The following NEO1 variants were observed in gnomAD, a reference collection of about 807,000 sequenced individuals.
NEO1 encodes neogenin 1, also known as neogenin.
A neutral mutation model predicts 159.7 loss-of-function variants in NEO1; 63 were observed. The observed-to-expected ratio is 0.39, with a 90% CI of 0.32 to 0.49. The LOEUF (loss-of-function observed/expected upper bound fraction) is 0.49, where lower values mean the gene tolerates loss of function less well. Ranked by LOEUF, NEO1 falls within the 20% of genes least tolerant of loss-of-function variation. The pLI is 0.85. For missense variants in NEO1, 1,615 were observed against 1,831.0 expected, an observed-to-expected ratio of 0.88 and a Z score of 2.15; for synonymous variants, 633 against 662.0, an observed-to-expected ratio of 0.96 and a Z score of 0.67.
chr15:73,240,034 C>G (rs757178643), intron 8 of NEO1, among the ~76,000 whole-genome samples: 1 of 152,100 alleles, frequency 6.6e-6, no homozygotes, highest in Non-Finnish European at 1.5e-5. Context: ...TGATGAACAT[C>G]CTGCCATGCA....
intron 7 of NEO1, among the ~76,000 whole-genome samples, chr15:73,214,912 C>G (rs2037788767): frequency 6.6e-6 from 1 of 152,128 alleles, no homozygotes; most frequent in African/African-American, 2.4e-5. Flanking sequence ...CATCCATGAG[C>G]ATGGGATGCA....
At chr15:73,254,385 T>C (rs1319170503) in intron 12 of NEO1, among the ~76,000 whole-genome samples, 2 of 152,190 alleles carry the variant, frequency 1.3e-5, no homozygotes, top group African/African-American at 4.8e-5. Flanking sequence ...CTTCTTATAC[T>C]TTCCTTCTGA....
At chr15:73,245,880 C>T (rs1158531415) in intron 9 of NEO1, among the ~76,000 whole-genome samples, 1 of 152,022 alleles carries the variant, frequency 6.6e-6, no homozygotes, top group Non-Finnish European at 1.5e-5. Flanking sequence ...CGCACCCGGC[C>T]ACCTCAGTGT....
At chr15:73,182,797 A>G (rs2035689587) in intron 7 of NEO1, among the ~76,000 whole-genome samples, 1 of 152,214 alleles carries the variant, frequency 6.6e-6, no homozygotes, top group Non-Finnish European at 1.5e-5. Flanking sequence ...TATGGGAGCT[A>G]CAATTCAAGG....
chr15:73,271,581 C>T (rs1567659339), intron 18 of NEO1, among the ~76,000 whole-genome samples: 1 of 152,246 alleles, frequency 6.6e-6, no homozygotes, highest in South Asian at 2.1e-4. Context: ...ATCTGTAAAT[C>T]ATCTATTCTT....
rs1364559176 is a variant in NEO1, at chr15:73,278,132, C to T, written c.3195C>T (p.Ala1065=). The change falls in exon 22 of 29, where the codon GCC becomes GCT. Residue 1065 remains alanine, a splice_region_variant and synonymous_variant. Coordinates refer to ENST00000261908, the MANE Select transcript of NEO1 (RefSeq NM_002499.4). ...DSSDKMPNDQ[A]SGSGGKGSRL... is the part of the protein sequence containing the mutation. ...TTGACATGATTTCTTCTCCTTTAGC[C>T]TCAGGGTCTGGAGGGAAAGGAAGCC... 2.5e-6 allele frequency: 4 copies of T among 1,611,484 alleles called. No homozygotes were observed. The highest frequency in any genetic ancestry group is 2.5e-6 in the Non-Finnish European group (3 of 1,177,976).
intron 13 of NEO1, among the ~76,000 whole-genome samples, chr15:73,255,064 T>C (rs946265625): frequency 1.3e-5 from 2 of 152,248 alleles, no homozygotes; most frequent in Admixed American, 1.3e-4. Flanking sequence ...TTCTTGTGTT[T>C]TCTGCATTCT....
chr15:73,051,701 G>A (rs1404191351), upstream of NEO1: 1 of 151,822 alleles, frequency 6.6e-6, no homozygotes, highest in Non-Finnish European at 1.5e-5. Flanking sequence ...GCCCGGCTTG[G>A]GAGCCGGAGG....
intron 2 of NEO1, among the ~76,000 whole-genome samples, chr15:73,117,125 C>T (rs1048540406): frequency 6.6e-6 from 1 of 152,122 alleles, no homozygotes; most frequent in African/African-American, 2.4e-5. Context: ...TCCTTTTAAA[C>T]TTGGAAGTGG....
Position 73,100,147 on chromosome 15 carries a change from C to T in NEO1, c.131-16393C>T, listed in dbSNP as rs539769081. 2.1e-4 allele frequency among the ~76,000 whole-genome samples: 32 copies of T among 152,102 alleles called. 1 individual carries two copies. The highest frequency in any genetic ancestry group is 4.0e-4 in the Non-Finnish European group (27 of 68,030). On this transcript the variant is annotated intron_variant, in intron 1 of 28. Transcript: ENST00000261908. The stretch of plus-strand genomic sequence containing the variant: ...TCTTCCATGCCATTTCAAACACCAG[C>T]GTCTATAAATGTGCCCTATCGCTTT...
chr15:73,176,345 A>G (rs2035279275), intron 5 of NEO1, 58 bp from the exon 6 acceptor site: 26 of 1,154,310 alleles, frequency 2.3e-5, no homozygotes, highest in Non-Finnish European at 2.7e-5. Context: ...TGGTTGAAAT[A>G]TGAATAGCTG....
intron 7 of NEO1, among the ~76,000 whole-genome samples, chr15:73,205,938 T>C (rs1488326717): frequency 6.6e-6 from 1 of 152,148 alleles, no homozygotes; most frequent in Non-Finnish European, 1.5e-5. Context: ...GTCAGAGCCT[T>C]ACTCTGTAGC....
intron 7 of NEO1, among the ~76,000 whole-genome samples, chr15:73,190,164 A>G (rs993809503): frequency 6.6e-6 from 1 of 152,334 alleles, no homozygotes; most frequent in East Asian, 1.9e-4. Context: ...TAAGAGTAGT[A>G]GGAATTAAGG....
rs1370081814 is a variant in NEO1 at position 73,304,311 on chromosome 15, C to G, written c.*1615C>G. The G allele has an allele frequency of 6.6e-6, 1 of 152,286 alleles. No individual in the cohort carries two copies. Among genetic ancestry groups the G allele is most frequent in the Non-Finnish European group, 1.5e-5 (1 of 68,134 alleles). The allele number at this position is 152,286 out of a possible 1,614,324, so 9.4% of individuals were successfully genotyped here. A position where few individuals can be genotyped will look rare whatever the true frequency, so the allele number is the denominator to read the frequency against. Reference sequence around the variant, plus strand: ...AGAATATATAATGGAAAACACACGACTGACGCTCAGGCATCTTCCCCTACT... The same window carrying G: ...AGAATATATAATGGAAAACACACGAGTGACGCTCAGGCATCTTCCCCTACT... On this transcript the variant is annotated 3_prime_UTR_variant, in exon 29 of 29. Transcript: ENST00000261908.
chr15:73,063,391 T>G (rs1457339892), intron 1 of NEO1, among the ~76,000 whole-genome samples: 1 of 152,050 alleles, frequency 6.6e-6, no homozygotes, highest in African/African-American at 2.4e-5. Flanking sequence ...ACTGTTATTA[T>G]TGTCGTTTTT....
intron 22 of NEO1, among the ~76,000 whole-genome samples, chr15:73,282,175 C>T (rs1308778335): frequency 6.6e-6 from 1 of 152,204 alleles, no homozygotes; most frequent in Non-Finnish European, 1.5e-5. Flanking sequence ...ATGCCATCTT[C>T]TCAGAGAAGC....
At chr15:73,225,028 T>C (rs773972204) in intron 7 of NEO1, among the ~76,000 whole-genome samples, 2 of 152,186 alleles carry the variant, frequency 1.3e-5, no homozygotes, top group Non-Finnish European at 2.9e-5. Flanking sequence ...CCTTTTCCTA[T>C]GGATGTGGCT....
chr15:73,274,593 G>A, intron 20 of NEO1, 99 bp from the exon 21 acceptor site: 1 of 1,139,944 alleles, frequency 8.8e-7, no homozygotes, highest in Non-Finnish European at 1.3e-6. Context: ...AAGTTTGTGG[G>A]GGTTTTAGTT....
intron 5 of NEO1, among the ~76,000 whole-genome samples, chr15:73,158,935 G>A (rs1050882051): frequency 6.6e-6 from 1 of 152,148 alleles, no homozygotes; most frequent in Non-Finnish European, 1.5e-5. Context: ...CTTTTTTGAG[G>A]TCTGCAGTGA....
Sources: allele counts gnomAD v4.1 joint callset (sites outside exome capture counted in the v4.1 genomes callset), GRCh38; gene constraint gnomAD v4.1.1; transcripts MANE v1.5; gene names NCBI Gene and HGNC (gene_info 2026-07-23, HGNC 2026-07-21).